The following CPA4 variants were observed in gnomAD, a reference collection of about 807,000 sequenced individuals.
The protein encoded by CPA4 is carboxypeptidase A4.
A neutral mutation model predicts 54.7 loss-of-function variants in CPA4; 49 were observed. The observed-to-expected ratio is 0.90, with a 90% CI of 0.71 to 1.14. The LOEUF (loss-of-function observed/expected upper bound fraction) is 1.14. CPA4 is among the 50% of genes most tolerant of loss of function. CPA4 has a pLI of 0.00. For synonymous variants in CPA4, 215 were observed against 206.8 expected, an observed-to-expected ratio of 1.04 and a Z score of -0.34; for missense variants, 487 against 525.1, an observed-to-expected ratio of 0.93 and a Z score of 0.71.
At chr7:130,307,555 C>A (rs184402600) in intron 7 of CPA4, among the ~76,000 whole-genome samples, 7,695 of 147,424 alleles carry the variant, frequency 0.052, 277 homozygotes, top group Middle Eastern at 0.099. Context: ...TGACGTGAAC[C>A]CGGGAGGCGG....
intron 1 of CPA4, among the ~76,000 whole-genome samples, chr7:130,294,433 G>T (rs1037562832): frequency 6.6e-6 from 1 of 152,226 alleles, no homozygotes; most frequent in Non-Finnish European, 1.5e-5. Context: ...AGCTCAGAGG[G>T]GTTAGGAGTG....
chr7:130,308,094 A>C lies in CPA4; in HGVS notation c.703-213A>C, dbSNP rs13438101. ...TAGCATATAAAGGTCTCATCAGTAC[A>C]TTTGGAAGAAGTCCTTCTCTTAGAG... On this transcript the variant is annotated intron_variant, in intron 7 of 10. Transcript: ENST00000222482. 4,910 of 586,772 alleles carry C rather than the reference A, an allele frequency of 8.4e-3. 190 individuals are homozygous for C. The highest frequency in any genetic ancestry group is 0.083 in the African/African-American group (4,441 of 53,712). 36.3% of individuals were successfully genotyped at this position (586,772 alleles called of 1,614,324 possible).
At chr7:130,313,536 G>C (rs545257099) in intron 10 of CPA4, among the ~76,000 whole-genome samples, 265 of 149,838 alleles carry the variant, frequency 1.8e-3, no homozygotes, top group African/African-American at 6.3e-3. Context: ...CTTTTATAAG[G>C]CTTCGGGCTA....
chr7:130,299,660 G>A (rs984976399), intron 3 of CPA4: 6 of 433,830 alleles, frequency 1.4e-5, no homozygotes, highest in South Asian at 3.4e-5. Context: ...GCTATGTGCT[G>A]TGTCTTTGGA....
chr7:130,308,366 C>A lies in CPA4; in HGVS notation c.762C>A (p.Asp254Glu), dbSNP rs760698858. 1.2e-6 allele frequency: 2 copies of A among 1,614,046 alleles called. No individual in the cohort carries two copies. The highest frequency in any genetic ancestry group is 2.7e-5 in the African/African-American group (2 of 74,922). The change falls in exon 8 of 11, where the codon GAC becomes GAA. Residue 254 changes from aspartate to glutamate, a missense_variant. By Grantham distance (45) the Asp-to-Glu change is conservative. Transcript: ENST00000222482. The stretch of plus-strand genomic sequence containing the variant: ...CTGGAAGCTCCTGCATTGGTGCTGA[C>A]CCAAATAGAAACTGGAACGCTAGTT... Reference protein sequence around the residue: ...RNPGSSCIGADPNRNWNASFA... With the variant: ...RNPGSSCIGAEPNRNWNASFA...
chr7:130,298,975 C>A, intron 2 of CPA4, 148 bp downstream of exon 2: 1 of 637,794 alleles, frequency 1.6e-6, no homozygotes, highest in Non-Finnish European at 2.8e-6. Flanking sequence ...ATTGAGGGGG[C>A]TGATGGGAGA....
Position 130,300,862 on chromosome 7 carries a change from A to G in CPA4, c.332A>G (p.Gln111Arg). ...GATGAAATGCAACACAATGAAGGGCAAGAACGGAGCAGTAATAACTTCAAC... is the reference window on the plus strand; with the variant it reads ...GATGAAATGCAACACAATGAAGGGCGAGAACGGAGCAGTAATAACTTCAAC... Reference protein sequence around the residue: ...EDDEMQHNEGQERSSNNFNYG... With the variant: ...EDDEMQHNEGRERSSNNFNYG... Residue 111 changes from glutamine to arginine, a missense_variant, in exon 4 of 11, where the codon CAA (glutamine) becomes CGA (arginine). Gln to Arg is a conservative substitution (Grantham distance 43). Coordinates refer to ENST00000222482, the MANE Select transcript of CPA4 (RefSeq NM_016352.4). The G allele has an allele frequency of 6.2e-7, 1 of 1,614,072 alleles. No homozygotes were observed. Among genetic ancestry groups the G allele is most frequent in the Non-Finnish European group, 8.5e-7 (1 of 1,179,918 alleles).
At chr7:130,307,404 G>A (rs537422863) in intron 7 of CPA4, among the ~76,000 whole-genome samples, 15 of 152,202 alleles carry the variant, frequency 9.9e-5, no homozygotes, top group African/African-American at 3.1e-4. Flanking sequence ...GGCCGAGGTG[G>A]GCGGATCATG....
chr7:130,309,299 C>T (rs570267787), intron 8 of CPA4, among the ~76,000 whole-genome samples: 12 of 151,812 alleles, frequency 7.9e-5, no homozygotes, highest in Middle Eastern at 3.4e-3. Flanking sequence ...ACATACAAAA[C>T]GGGGAACCTT....
Position 130,310,815 on chromosome 7 carries a change from C to A in CPA4, c.822C>A (p.Ser274=). 1 of 1,614,194 alleles carries A rather than the reference C, an allele frequency of 6.2e-7. No homozygotes were observed. The highest frequency in any genetic ancestry group is 8.5e-7 in the Non-Finnish European group (1 of 1,180,020). The change falls in exon 9 of 11, where the codon TCC becomes TCA. Residue 274 remains serine (S), a synonymous_variant. Coordinates refer to ENST00000222482, the MANE Select transcript of CPA4 (RefSeq NM_016352.4). This position sits in a 1 kb window ranked among gnomAD's most constrained non-coding sequence, Gnocchi z 4.3. ...AGKGASDNPC[S]EVYHGPHANS... Reference sequence around the variant, plus strand: ...AGGGAGCCAGCGACAACCCTTGCTCCGAAGTGTACCATGGACCCCACGCCA... The same window carrying A: ...AGGGAGCCAGCGACAACCCTTGCTCAGAAGTGTACCATGGACCCCACGCCA...
At chr7:130,309,053 C>T (rs1451454642) in intron 8 of CPA4, among the ~76,000 whole-genome samples, 1 of 152,136 alleles carries the variant, frequency 6.6e-6, no homozygotes, top group Non-Finnish European at 1.5e-5. Context: ...GCCATGTTGG[C>T]CAGGCTGGTC....
intron 7 of CPA4, among the ~76,000 whole-genome samples, chr7:130,307,787 G>A (rs554074462): frequency 6.6e-6 from 1 of 152,160 alleles, no homozygotes; most frequent in Non-Finnish European, 1.5e-5. Context: ...ATTTAGGGGA[G>A]AAGCCAAGTA....
At chr7:130,321,176 C>G (rs1372542977) in intron 10 of CPA4, among the ~76,000 whole-genome samples, 1 of 152,178 alleles carries the variant, frequency 6.6e-6, no homozygotes, top group Non-Finnish European at 1.5e-5. Flanking sequence ...GCCTGGGTGA[C>G]AGACTGAGAC....
chr7:130,298,519 T>G (rs1295876446), intron 1 of CPA4, among the ~76,000 whole-genome samples: 1 of 152,220 alleles, frequency 6.6e-6, no homozygotes, highest in Non-Finnish European at 1.5e-5. Context: ...CATACAATTT[T>G]GTGTCCTGCT....
chr7:130,306,770 A>G lies in CPA4; in HGVS notation c.592-17A>G, dbSNP rs1319691497. The stretch of plus-strand genomic sequence containing the variant: ...TCCTGCCATGGGATAGCTGACAAGC[A>G]TATTGTCTCTGCTTAGATTGTATCT... On this transcript the variant is annotated splice_polypyrimidine_tract_variant and intron_variant, in intron 6 of 10. Transcript: ENST00000222482. 6.9e-7 allele frequency: 1 copy of G among 1,441,212 alleles called. No homozygotes were observed. The highest frequency in any genetic ancestry group is 1.7e-5 in the Admixed American group (1 of 59,666). 89.3% of individuals were successfully genotyped at this position (1,441,212 alleles called of 1,614,324 possible).
chr7:130,305,963 G>T, intron 6 of CPA4, 43 bp downstream of exon 6: 1 of 1,524,778 alleles, frequency 6.6e-7, no homozygotes, highest in South Asian at 1.1e-5. Flanking sequence ...ATGGTGCCGG[G>T]GTGCCCCTGC....
At chr7:130,311,426 ACTG>A (rs1338659134) in intron 9 of CPA4, among the ~76,000 whole-genome samples, 122 of 152,278 alleles carry the variant, frequency 8.0e-4, no homozygotes, top group African/African-American at 2.7e-3. Flanking sequence ...CTGGAGGGTG[ACTG>A]CAGGTGGCTG....
intron 1 of CPA4, among the ~76,000 whole-genome samples, chr7:130,296,757 G>A (rs1793656614): frequency 2.4e-5 from 3 of 122,562 alleles, no homozygotes; most frequent in South Asian, 5.4e-4. Context: ...TGCAATCATA[G>A]CTCACTGCAG....
intron 1 of CPA4, among the ~76,000 whole-genome samples, chr7:130,295,459 C>T (rs1793634109): frequency 6.6e-6 from 1 of 152,188 alleles, no homozygotes; most frequent in Non-Finnish European, 1.5e-5. Flanking sequence ...AATCCCAACA[C>T]GTCCCCCTCC....
Sources: allele counts gnomAD v4.1 joint callset (sites outside exome capture counted in the v4.1 genomes callset), GRCh38; gene constraint gnomAD v4.1.1; non-coding constraint Gnocchi (gnomAD v3.1); transcripts MANE v1.5; gene names NCBI Gene and HGNC (gene_info 2026-07-23, HGNC 2026-07-21).